RNF17: variants seen among roughly 807,000 people sequenced by gnomAD.
RNF17 encodes the protein ring finger protein 17, also known as spermatogenesis associated 23.
A neutral mutation model predicts 200.5 loss-of-function variants in RNF17; 31 were observed. The observed-to-expected ratio is 0.15, with a 90% CI of 0.12 to 0.21. The LOEUF (loss-of-function observed/expected upper bound fraction) is 0.21, where lower values mean the gene tolerates loss of function less well. RNF17 is among the 10% of genes least tolerant of loss of function. RNF17 has a pLI of 1.00. For synonymous variants in RNF17, 606 were observed against 637.8 expected (o/e 0.95, Z 0.75); for missense variants, 1,628 against 1,905.1 (o/e 0.85, Z 2.71).
chr13:24,780,659 A>G (rs1339083617), intron 5 of RNF17, among the ~76,000 whole-genome samples: 1 of 152,184 alleles, frequency 6.6e-6, no homozygotes, highest in Non-Finnish European at 1.5e-5. Context: ...GGGCAGGTGG[A>G]TCACTTGAGG....
intron 19 of RNF17, among the ~76,000 whole-genome samples, chr13:24,843,452 A>G (rs950156404): frequency 3.9e-5 from 6 of 152,174 alleles, no homozygotes; most frequent in African/African-American, 1.4e-4. Context: ...TGGGAGGCGC[A>G]AGCTGCAGTG....
intron 22 of RNF17, among the ~76,000 whole-genome samples, chr13:24,850,134 C>T (rs1406806202): frequency 6.6e-6 from 1 of 151,504 alleles, no homozygotes; most frequent in Non-Finnish European, 1.5e-5. Context: ...AATATGGGCC[C>T]TCAGTAAAAT....
intron 18 of RNF17, among the ~76,000 whole-genome samples, chr13:24,838,896 A>G (rs111663416): frequency 0.2 from 29,824 of 152,092 alleles, 3,188 homozygotes; most frequent in South Asian, 0.32. Context: ...CTGTTTGCTG[A>G]TGATATGATT....
chr13:24,757,156 C>T, the RNF17 span, among the ~76,000 whole-genome samples: 2 of 151,948 alleles, frequency 1.3e-5, no homozygotes, highest in Non-Finnish European at 2.9e-5. Context: ...GAATTTATAT[C>T]TTCTGTGTTA....
the RNF17 span, among the ~76,000 whole-genome samples, chr13:24,755,628 G>A: frequency 1.3e-5 from 2 of 152,098 alleles, no homozygotes; most frequent in Non-Finnish European, 2.9e-5. Flanking sequence ...TTTTATTTCT[G>A]AAAGTTTTTG....
At chr13:24,844,831 T>C (rs370665341) in intron 21 of RNF17, 29 bp downstream of exon 21, 14 of 1,595,180 alleles carry the variant, frequency 8.8e-6, no homozygotes, top group Non-Finnish European at 1.0e-5. Flanking sequence ...AGTGTAATTG[T>C]GAAGGTGAAT....
chr13:24,772,016 G>T (rs1232406493), intron 2 of RNF17, among the ~76,000 whole-genome samples: 2 of 152,096 alleles, frequency 1.3e-5, no homozygotes, highest in Non-Finnish European at 2.9e-5. Context: ...AGACAAAAAA[G>T]TGGGGGCGGT....
the RNF17 span, among the ~76,000 whole-genome samples, chr13:24,753,667 G>A: frequency 6.6e-6 from 1 of 152,182 alleles, no homozygotes; most frequent in Non-Finnish European, 1.5e-5. Flanking sequence ...AAAGGTTGTG[G>A]ATTGTGTTGT....
chr13:24,830,733 GT>G, intron 17 of RNF17, 134 bp downstream of exon 17: 1 of 660,550 alleles, frequency 1.5e-6, no homozygotes, highest in Non-Finnish European at 2.7e-6. Flanking sequence ...ATAGATAAAT[GT>G]TGCTGTGGTT....
At chr13:24,834,364 G>A (rs561057317) in intron 18 of RNF17, among the ~76,000 whole-genome samples, 16 of 152,226 alleles carry the variant, frequency 1.1e-4, no homozygotes, top group East Asian at 3.9e-4. Context: ...GCAGTGAGCC[G>A]AGATTGTGCC....
intron 28 of RNF17, among the ~76,000 whole-genome samples, chr13:24,864,560 C>A (rs79403500): frequency 6.6e-6 from 1 of 152,026 alleles, no homozygotes; most frequent in Non-Finnish European, 1.5e-5. Context: ...TCTCTTTGTA[C>A]GTAGTGTAAT....
At chr13:24,780,305 A>G (rs1882172219) in intron 5 of RNF17, among the ~76,000 whole-genome samples, 2 of 152,306 alleles carry the variant, frequency 1.3e-5, no homozygotes, top group East Asian at 3.9e-4. Flanking sequence ...TAGAAGAGTT[A>G]TGAGAGAAAA....
intron 3 of RNF17, among the ~76,000 whole-genome samples, chr13:24,776,906 G>A (rs1367521916): frequency 6.6e-6 from 1 of 152,096 alleles, no homozygotes. Context: ...AAACCAGGAT[G>A]TACTCTTATC....
chr13:24,842,540 A>G (rs1890748485), intron 19 of RNF17, among the ~76,000 whole-genome samples: 1 of 152,224 alleles, frequency 6.6e-6, no homozygotes, highest in African/African-American at 2.4e-5. Context: ...ATTTGTAGAA[A>G]TGTTGATTTT....
chr13:24,754,403 G>A, the RNF17 span, among the ~76,000 whole-genome samples: 1 of 152,124 alleles, frequency 6.6e-6, no homozygotes, highest in African/African-American at 2.4e-5. Context: ...AAGGCAAGCA[G>A]CACCTCTCTG....
intron 15 of RNF17, among the ~76,000 whole-genome samples, chr13:24,810,222 T>A: frequency 1.4e-5 from 2 of 142,372 alleles, no homozygotes; most frequent in East Asian, 3.9e-4. Context: ...CGTTGATCTG[T>A]CTAATGTTGA....
chr13:24,848,752 A>G (rs925194663), intron 22 of RNF17, among the ~76,000 whole-genome samples: 3 of 152,148 alleles, frequency 2.0e-5, no homozygotes, highest in Admixed American at 1.3e-4. Context: ...CTGAAATTCT[A>G]TATTCATACA....
intron 32 of RNF17, among the ~76,000 whole-genome samples, chr13:24,873,837 A>G (rs949889618): frequency 1.3e-5 from 2 of 152,102 alleles, no homozygotes; most frequent in Non-Finnish European, 2.9e-5. Context: ...TGCTTGTCTT[A>G]TCTTAGTTAA....
At chr13:24,874,767 T>TA (rs1327433265) in intron 33 of RNF17, among the ~76,000 whole-genome samples, 2 of 152,150 alleles carry the variant, frequency 1.3e-5, no homozygotes, top group Non-Finnish European at 2.9e-5. Flanking sequence ...ATTCACAAGG[T>TA]TATACAACTA....
Sources: gnomAD v4.1 joint callset for allele counts (sites outside exome capture counted in the v4.1 genomes callset) on GRCh38, gnomAD v4.1.1 for gene constraint, MANE v1.5 for transcripts, NCBI Gene and HGNC (gene_info 2026-07-23, HGNC 2026-07-21) for gene names.